Variants in CHD9 observed in about 807,000 individuals in gnomAD.
The protein encoded by CHD9 is ATP-dependent chromatin remodeler CHD9.
A neutral mutation model predicts 316.1 loss-of-function variants in CHD9; 77 were observed. That is an observed-to-expected ratio of 0.24 (90% CI 0.20 to 0.29). The LOEUF (loss-of-function observed/expected upper bound fraction) is 0.29, where lower values mean the gene tolerates loss of function less well. CHD9 is among the 10% of genes least tolerant of loss of function. The probability of loss-of-function intolerance (pLI) is 1.00; values close to 1 mark genes in which losing one functional copy is unlikely to be tolerated. For synonymous variants in CHD9, 1,129 were observed against 1,158.3 expected, an observed-to-expected ratio of 0.97 and a Z score of 0.51; for missense variants, 2,763 against 3,438.1, an observed-to-expected ratio of 0.80 and a Z score of 4.91.
At chr16:53,320,173 A>T (rs573898562) in intron 37 of CHD9, among the ~76,000 whole-genome samples, 1 of 150,438 alleles carries the variant, frequency 6.6e-6, no homozygotes, top group South Asian at 2.1e-4. Context: ...GAGACCTTAA[A>T]AAAAAGTGAG....
chr16:53,073,511 G>C (rs1002963192), intron 1 of CHD9, among the ~76,000 whole-genome samples: 3 of 152,176 alleles, frequency 2.0e-5, no homozygotes, highest in African/African-American at 2.4e-5. Context: ...AAGTGGAACT[G>C]CTAGATCATA....
At chr16:53,109,346 G>A (rs1333014274) in intron 1 of CHD9, among the ~76,000 whole-genome samples, 1 of 152,168 alleles carries the variant, frequency 6.6e-6, no homozygotes, top group Non-Finnish European at 1.5e-5. Flanking sequence ...CAGCTAGTTT[G>A]TAGTTAATTT....
At chr16:53,149,675 G>A (rs2040928163) in intron 1 of CHD9, among the ~76,000 whole-genome samples, 1 of 149,044 alleles carries the variant, frequency 6.7e-6, no homozygotes, top group African/African-American at 2.5e-5. Context: ...CAGCCTCCCA[G>A]TTAGCTAGGA....
At chr16:53,123,525 G>A (rs1248281907) in intron 1 of CHD9, among the ~76,000 whole-genome samples, 1 of 151,724 alleles carries the variant, frequency 6.6e-6, no homozygotes, top group Non-Finnish European at 1.5e-5. Context: ...TTTGAGACAA[G>A]CGTTTTGCTC....
intron 10 of CHD9, among the ~76,000 whole-genome samples, chr16:53,232,375 A>G (rs574152836): frequency 6.6e-6 from 1 of 152,306 alleles, no homozygotes; most frequent in African/African-American, 2.4e-5. Context: ...AAAGGTGCAT[A>G]TCAGAATCTC....
At chr16:53,060,029 C>T (rs910179843) in intron 1 of CHD9, among the ~76,000 whole-genome samples, 1 of 152,114 alleles carries the variant, frequency 6.6e-6, no homozygotes, top group Non-Finnish European at 1.5e-5. Flanking sequence ...ATTCTTTAAA[C>T]ATTTTTTTCA....
chr16:53,073,946 T>G (rs1408874945), intron 1 of CHD9, among the ~76,000 whole-genome samples: 1 of 152,128 alleles, frequency 6.6e-6, no homozygotes, highest in African/African-American at 2.4e-5. Flanking sequence ...AACTGGGTAA[T>G]AGGCAGAGAT....
At chr16:53,228,550 T>TG (rs1437818665) in intron 7 of CHD9, among the ~76,000 whole-genome samples, 3 of 148,992 alleles carry the variant, frequency 2.0e-5, no homozygotes, top group Non-Finnish European at 4.5e-5. Context: ...TTTTTTTTTT[T>TG]TTTTTTTTGA....
intron 2 of CHD9, among the ~76,000 whole-genome samples, chr16:53,189,317 T>G (rs2044294163): frequency 6.6e-6 from 1 of 152,060 alleles, no homozygotes; most frequent in African/African-American, 2.4e-5. Flanking sequence ...TACATGCCTT[T>G]TATTATGTTG....
At chr16:53,198,768 T>C (rs1296447885) in intron 2 of CHD9, among the ~76,000 whole-genome samples, 1 of 152,224 alleles carries the variant, frequency 6.6e-6, no homozygotes, top group Non-Finnish European at 1.5e-5. Context: ...TTGTTAAAAA[T>C]GTATGTAGGA....
At chr16:53,261,405 C>T (rs1350409898) in intron 19 of CHD9, among the ~76,000 whole-genome samples, 2 of 74,718 alleles carry the variant, frequency 2.7e-5, no homozygotes, top group African/African-American at 4.9e-5. Context: ...CTTGTTTTCT[C>T]GCCAGGCTGG....
rs1385131635 is a variant in CHD9, at chr16:53,146,436, T to TATATATATATATAA, written c.-164-9489_-164-9488insTATATATATATAAA. 3.8e-5 allele frequency among the ~76,000 whole-genome samples: 5 copies of TATATATATATATAA among 130,970 alleles called. 1 individual carries two copies. The highest frequency in any genetic ancestry group is 1.6e-4 in the African/African-American group (5 of 31,804). The allele number at this position is 130,970 out of a possible 152,430, so 85.9% of individuals were successfully genotyped here. ...GTGTGTATGTATATATATATATATATAATTAAAAAGTTCCAGAGATTGGTG... is the reference window on the plus strand; with the variant it reads ...GTGTGTATGTATATATATATATATATATATATATATATAAAATTAAAAAGTTCCAGAGATTGGTG... On this transcript the variant is annotated intron_variant, in intron 1 of 38. Coordinates refer to ENST00000447540, the MANE Select transcript of CHD9 (RefSeq NM_001308319.2).
At chr16:53,062,708 C>T (rs1008019955) in intron 1 of CHD9, among the ~76,000 whole-genome samples, 2 of 152,150 alleles carry the variant, frequency 1.3e-5, no homozygotes, top group African/African-American at 4.8e-5. Context: ...TGCCACTGCA[C>T]TCCAGGAAGA....
At chr16:53,257,196 GA>G (rs1467705444) in intron 19 of CHD9, among the ~76,000 whole-genome samples, 3 of 152,158 alleles carry the variant, frequency 2.0e-5, no homozygotes, top group Admixed American at 6.5e-5. Flanking sequence ...AATATTTCAG[GA>G]ATGTGACATA....
At chr16:53,130,846 C>A (rs2039215199) in intron 1 of CHD9, 1 of 151,930 alleles carries the variant, frequency 6.6e-6, no homozygotes, top group Non-Finnish European at 1.5e-5. Context: ...CGCCCCTCCG[C>A]GCCCGGGCCA....
intron 13 of CHD9, 86 bp downstream of exon 13, chr16:53,243,102 TTTTTAA>T: frequency 1.0e-6 from 1 of 996,628 alleles, no homozygotes; most frequent in Non-Finnish European, 1.4e-6. Flanking sequence ...AAAATTTTTC[TTTTTAA>T]TTTTAGAGTG....
At chr16:53,170,643 C>A (rs1019157028) in intron 2 of CHD9, among the ~76,000 whole-genome samples, 3 of 149,110 alleles carry the variant, frequency 2.0e-5, no homozygotes, top group Non-Finnish European at 3.0e-5. Flanking sequence ...GTTATATGAA[C>A]AAATTCCAGA....
chr16:53,135,304 C>T (rs750918988), intron 1 of CHD9, among the ~76,000 whole-genome samples: 1 of 152,036 alleles, frequency 6.6e-6, no homozygotes, highest in African/African-American at 2.4e-5. Context: ...ACATTGCAGT[C>T]GTTGAAGATT....
rs1224485632 is a variant in CHD9 at position 53,146,415 on chromosome 16, G to GTGTATATATATA, written c.-164-9510_-164-9509insGTATATATATAT. Among the ~76,000 whole-genome samples the GTGTATATATATA allele has an allele frequency of 3.9e-3, 252 of 64,434 alleles. 4 individuals are homozygous for GTGTATATATATA. Among genetic ancestry groups the GTGTATATATATA allele is most frequent in the East Asian group, 7.6e-3 (16 of 2,108 alleles). The allele number at this position is 64,434 out of a possible 152,430, so 42.3% of individuals were successfully genotyped here. On this transcript the variant is annotated intron_variant, in intron 1 of 38. Coordinates refer to ENST00000447540, the MANE Select transcript of CHD9 (RefSeq NM_001308319.2). ...CAAAAAAAAAAAATTGTGTGTGTGT[G>GTGTATATATATA]TATGTATATATATATATATATAATT...
Sources: gnomAD v4.1 joint callset for allele counts (sites outside exome capture counted in the v4.1 genomes callset) on GRCh38, gnomAD v4.1.1 for gene constraint, MANE v1.5 for transcripts, NCBI Gene and HGNC (gene_info 2026-07-23, HGNC 2026-07-21) for gene names.